BANP: variants seen among roughly 807,000 people sequenced by gnomAD.
The protein encoded by BANP is BTG3 associated nuclear protein.
Under a neutral mutation model 68.1 loss-of-function variants are expected in BANP, and 11 were observed. The observed-to-expected ratio is 0.16, with a 90% confidence interval of 0.10 to 0.27. The LOEUF (loss-of-function observed/expected upper bound fraction) is 0.27. Among genes scored for constraint, BANP ranks in the 10% least tolerant of loss-of-function variants. The pLI, the probability that BANP is intolerant of heterozygous loss-of-function variation, is 1.00. For synonymous variants in BANP, 329 were observed against 303.2 expected, an observed-to-expected ratio of 1.09 and a Z score of -0.88; for missense variants, 504 against 722.7, an observed-to-expected ratio of 0.70 and a Z score of 3.47.
rs568707496 is a variant in BANP, at chr16:88,066,953, G to A, written c.1377+1621G>A. Among the ~76,000 whole-genome samples, 511 of 152,344 alleles carry A rather than the reference G, an allele frequency of 3.4e-3. 1 individual carries two copies. Among genetic ancestry groups the A allele is most frequent in the Non-Finnish European group, 5.4e-3 (365 of 68,030 alleles). ...GGCAGAGGTCAGAGCCATCGGCCGG[G>A]GCACATTGCCACAGCGGCCTAGACA... On this transcript the variant is annotated intron_variant, in intron 12 of 13. Transcript: ENST00000682872.
chr16:87,995,719 C>T (rs970350850), intron 4 of BANP, among the ~76,000 whole-genome samples: 4 of 152,248 alleles, frequency 2.6e-5, no homozygotes, highest in Non-Finnish European at 5.9e-5. Flanking sequence ...TGGAGTTCCT[C>T]CTCTCCCTGC....
Position 88,036,166 on chromosome 16 carries a change from G to C in BANP, c.1272+772G>C, listed in dbSNP as rs1296331255. Among the ~76,000 whole-genome samples the C allele has an allele frequency of 6.6e-6, 1 of 152,250 alleles. No individual in the cohort carries two copies. The highest frequency in any genetic ancestry group is 1.5e-5 in the Non-Finnish European group (1 of 68,040). On this transcript the variant is annotated intron_variant, in intron 10 of 13. Coordinates refer to ENST00000682872, the MANE Select transcript of BANP (RefSeq NM_001386991.1). This position sits in a 1 kb window ranked among gnomAD's most constrained non-coding sequence, Gnocchi z 4.2. ...GGGCACTAAGCAGCACACACGTGTT[G>C]TACTCAGTGACCGTGGTGCGCTCTG...
intron 1 of BANP, among the ~76,000 whole-genome samples, chr16:87,965,922 G>C (rs1037109011): frequency 6.6e-6 from 1 of 152,122 alleles, no homozygotes; most frequent in African/African-American, 2.4e-5. Context: ...AGTGGGGCTC[G>C]TGCAGTTGGA....
At chr16:88,027,020 C>T (rs985033795) in intron 7 of BANP, among the ~76,000 whole-genome samples, 2 of 152,228 alleles carry the variant, frequency 1.3e-5, no homozygotes, top group African/African-American at 4.8e-5. Context: ...GAAGGGAAGG[C>T]GGTGGCCGAG....
chr16:88,035,505 C>A, intron 10 of BANP, 111 bp downstream of exon 10: 2 of 1,050,978 alleles, frequency 1.9e-6, no homozygotes, highest in Non-Finnish European at 1.4e-6. Context: ...GGACAGGGAA[C>A]GTGGGCAAGG....
intron 1 of BANP, among the ~76,000 whole-genome samples, chr16:87,970,549 T>G (rs1374041875): frequency 3.9e-5 from 6 of 152,230 alleles, no homozygotes; most frequent in African/African-American, 1.4e-4. Context: ...AATGCTTGAT[T>G]TTTTCTTTTT....
intron 6 of BANP, among the ~76,000 whole-genome samples, chr16:88,009,650 G>A (rs1405020917): frequency 2.0e-5 from 3 of 149,010 alleles, no homozygotes; most frequent in Non-Finnish European, 4.5e-5. Context: ...TAAGAAGGAC[G>A]GTAGCTCCTG....
chr16:88,031,166 G>A (rs1193861176), intron 8 of BANP, among the ~76,000 whole-genome samples: 4 of 152,252 alleles, frequency 2.6e-5, no homozygotes, highest in Non-Finnish European at 4.4e-5. Flanking sequence ...ACTGCCTGGC[G>A]GTGGTTGCTT....
At chr16:88,075,575 G>T (rs1265122170) in intron 13 of BANP, among the ~76,000 whole-genome samples, 1 of 152,144 alleles carries the variant, frequency 6.6e-6, no homozygotes, top group African/African-American at 2.4e-5. Flanking sequence ...GGGCTCGGCC[G>T]TGGGCTCGTG....
rs1278001385 is a variant in BANP at position 88,036,045 on chromosome 16, G to T, written c.1272+651G>T. 6.6e-6 allele frequency among the ~76,000 whole-genome samples: 1 copy of T among 152,332 alleles called. No individual in the cohort carries two copies. Among genetic ancestry groups the T allele is most frequent in the Admixed American group, 6.5e-5 (1 of 15,304 alleles). ...TGGAAAGCCGAGGCCAGCCTGTTGC[G>T]ATGCTCCATGTTTGCATGCCAGAGC... On this transcript the variant is annotated intron_variant, in intron 10 of 13. Coordinates refer to ENST00000682872, the MANE Select transcript of BANP (RefSeq NM_001386991.1). The surrounding 1 kb of genome is among the most constrained non-coding windows in gnomAD (Gnocchi z 4.2).
At position 88,024,697 on chromosome 16, in the gene BANP, G is replaced by A. The variant is rs144162240; in HGVS notation, c.896-2786G>A. On this transcript the variant is annotated intron_variant, in intron 7 of 13. Coordinates refer to ENST00000682872, the MANE Select transcript of BANP (RefSeq NM_001386991.1). ...CGGGCAGCACTTGGGCGGCTGGTCC[G>A]TTCTCTGGATCTCCTTTGTGGCCGG... Among the ~76,000 whole-genome samples, 621 of 152,370 alleles carry A rather than the reference G, an allele frequency of 4.1e-3. 4 individuals are homozygous for A. The highest frequency in any genetic ancestry group is 0.014 in the African/African-American group (575 of 41,598).
chr16:88,013,540 G>A (rs540377361), intron 6 of BANP, among the ~76,000 whole-genome samples: 10 of 152,206 alleles, frequency 6.6e-5, no homozygotes, highest in African/African-American at 1.2e-4. Flanking sequence ...CTGATGGGAC[G>A]GGCTCTCTCT....
rs2069697392 is a variant in BANP, at chr16:88,002,514, C to G, written c.363-1781C>G. ...GAAAAGGGCTTTGTGGAAGGGAACA[C>G]ACACATTGAGATACTCGCTCAAGGA... On this transcript the variant is annotated intron_variant, in intron 4 of 13. Transcript: ENST00000682872. This position sits in a 1 kb window ranked among gnomAD's most constrained non-coding sequence, Gnocchi z 4.6. 6.6e-6 allele frequency among the ~76,000 whole-genome samples: 1 copy of G among 152,030 alleles called. No individual in the cohort carries two copies. Among genetic ancestry groups the G allele is most frequent in the Admixed American group, 6.6e-5 (1 of 15,246 alleles).
intron 11 of BANP, among the ~76,000 whole-genome samples, chr16:88,048,786 G>A (rs1288667193): frequency 6.6e-6 from 1 of 151,954 alleles, no homozygotes; most frequent in Non-Finnish European, 1.5e-5. Flanking sequence ...CAGTGTTCTC[G>A]GTATGGAATA....
At chr16:88,024,340 G>A (rs1279570030) in intron 7 of BANP, among the ~76,000 whole-genome samples, 1 of 152,112 alleles carries the variant, frequency 6.6e-6, no homozygotes, top group Non-Finnish European at 1.5e-5. Flanking sequence ...TCTGGCTTTT[G>A]CCTCAAAACC....
At chr16:87,951,954 G>C (rs537025348) in intron 1 of BANP, among the ~76,000 whole-genome samples, 1 of 152,178 alleles carries the variant, frequency 6.6e-6, no homozygotes, top group Admixed American at 6.5e-5. Flanking sequence ...GGAGCGACAG[G>C]CATCGTTTTT....
intron 11 of BANP, among the ~76,000 whole-genome samples, chr16:88,062,925 C>A (rs2087270833): frequency 6.6e-6 from 1 of 152,220 alleles, no homozygotes; most frequent in South Asian, 2.1e-4. Context: ...GGGCGCTCAT[C>A]TTGGGGCGTG....
chr16:88,019,299 A>G (rs1281313057), intron 7 of BANP, among the ~76,000 whole-genome samples: 1 of 152,012 alleles, frequency 6.6e-6, no homozygotes. Context: ...TCCATGGTCC[A>G]TTTGCTCCAC....
In BANP at chr16:88,003,174, C is replaced by T. The variant is rs75488981; in HGVS notation, c.363-1121C>T. Among the ~76,000 whole-genome samples, 115 of 152,286 alleles carry T rather than the reference C, an allele frequency of 7.6e-4. 1 individual carries two copies. In the East Asian group the frequency reaches 0.01, roughly 14 times the overall value. ...CATTTGTCAGGTTTTGCTGTGTTAA[C>T]GTTAGGTGTCACCAATAACAAGTAG... On this transcript the variant is annotated intron_variant, in intron 4 of 13. Coordinates refer to ENST00000682872, the MANE Select transcript of BANP (RefSeq NM_001386991.1). This position sits in a 1 kb window ranked among gnomAD's most constrained non-coding sequence, Gnocchi z 6.1.
Sources: gnomAD v4.1 joint callset for allele counts (sites outside exome capture counted in the v4.1 genomes callset) on GRCh38, gnomAD v4.1.1 for gene constraint, Gnocchi (gnomAD v3.1) non-coding constraint, MANE v1.5 for transcripts, NCBI Gene and HGNC (gene_info 2026-07-23, HGNC 2026-07-21) for gene names.